The following COL23A1 variants were observed in gnomAD, a reference collection of about 807,000 sequenced individuals.
The protein encoded by COL23A1 is collagen type XXIII alpha 1 chain, also known as collagen alpha-1(XXIII) chain.
Under a neutral mutation model 99.3 loss-of-function variants are expected in COL23A1, and 97 were observed. The observed-to-expected ratio is 0.98, with a 90% confidence interval of 0.83 to 1.16. COL23A1 has a LOEUF of 1.16. Among genes scored for constraint, COL23A1 ranks in the 50% most tolerant of loss-of-function variants. COL23A1 has a pLI of 0.00. For synonymous variants in COL23A1, 320 were observed against 308.2 expected (o/e 1.04, Z -0.40); for missense variants, 762 against 757.4 (o/e 1.01, Z -0.07).
At position 178,364,471 on chromosome 5, in the gene COL23A1, A is replaced by G. The variant is rs186590785; in HGVS notation, c.362-57552T>C. 3.3e-5 allele frequency among the ~76,000 whole-genome samples: 5 copies of G among 152,104 alleles called. No individual in the cohort carries two copies. The East Asian group carries it at 7.8e-4, about 24-fold the overall frequency. ...CCACAGGTGGGGCCCGCCTGTGCAG[A>G]GAGTACTCAGCCTTGGTCCCCTGAG... On this transcript the variant is annotated intron_variant, in intron 2 of 28. Coordinates refer to ENST00000390654, the MANE Select transcript of COL23A1 (RefSeq NM_173465.4).
At chr5:178,467,094 G>A (rs1404338746) in intron 2 of COL23A1, among the ~76,000 whole-genome samples, 10 of 152,258 alleles carry the variant, frequency 6.6e-5, no homozygotes, top group Admixed American at 1.3e-4. Flanking sequence ...GGAGAAACTC[G>A]TGAGAAGGTG....
rs531488903 is a variant in COL23A1, at chr5:178,403,117, A to T, written c.362-96198T>A. ...GAGAGAGACTCCATCTCAAAAAAAA[A>T]AAAAATAAATAAATAAAAAATAAAT... On this transcript the variant is annotated intron_variant, in intron 2 of 28. Transcript: ENST00000390654. Among the ~76,000 whole-genome samples the T allele has an allele frequency of 4.4e-4, 61 of 139,672 alleles. 8 individuals are homozygous for T. Among genetic ancestry groups the T allele is most frequent in the African/African-American group, 1.7e-3 (60 of 35,170 alleles). 91.6% of individuals were successfully genotyped at this position (139,672 alleles called of 152,430 possible). A position where few individuals can be genotyped will look rare whatever the true frequency, so the allele number is the denominator to read the frequency against.
chr5:178,331,836 A>C (rs948348227), intron 2 of COL23A1, among the ~76,000 whole-genome samples: 3 of 152,356 alleles, frequency 2.0e-5, no homozygotes, highest in African/African-American at 7.2e-5. Flanking sequence ...ATAGTGACAC[A>C]GCTGTCCTGA....
intron 2 of COL23A1, among the ~76,000 whole-genome samples, chr5:178,551,092 T>C (rs1761972225): frequency 2.7e-5 from 1 of 36,668 alleles, no homozygotes; most frequent in African/African-American, 5.5e-5. Context: ...GTGTCACTGC[T>C]CTTGGTTTGA....
chr5:178,393,330 T>C (rs1764066079), intron 2 of COL23A1, among the ~76,000 whole-genome samples: 1 of 152,118 alleles, frequency 6.6e-6, no homozygotes. Flanking sequence ...GCCAGGGTAC[T>C]CCAAGTCATA....
At chr5:178,278,542 C>T (rs1250695574) in intron 5 of COL23A1, among the ~76,000 whole-genome samples, 1 of 152,208 alleles carries the variant, frequency 6.6e-6, no homozygotes, top group Non-Finnish European at 1.5e-5. Flanking sequence ...CTCTCCTGCG[C>T]CCAACCAGCC....
At chr5:178,433,320 AGAAAGAATACAAAT>A (rs760987765) in intron 2 of COL23A1, among the ~76,000 whole-genome samples, 1 of 152,174 alleles carries the variant, frequency 6.6e-6, no homozygotes. Context: ...TTACCAGCTT[AGAAAGAATACAAAT>A]GAACAGCCAG....
chr5:178,308,148 G>A lies in COL23A1; in HGVS notation c.362-1229C>T, dbSNP rs1047502308. On this transcript the variant is annotated intron_variant, in intron 2 of 28. Transcript: ENST00000390654. The surrounding 1 kb of genome is among the most constrained non-coding windows in gnomAD (Gnocchi z 5.1). ...GTTTGTGTCTGTGTGTCCTGTGGGA[G>A]GTGCTTCTCGACTTTTGTTAAGGGA... 6.6e-6 allele frequency among the ~76,000 whole-genome samples: 1 copy of A among 152,006 alleles called. No homozygotes were observed. The highest frequency in any genetic ancestry group is 2.4e-5 in the African/African-American group (1 of 41,368).
chr5:178,548,736 T>C (rs1483592388), intron 2 of COL23A1, among the ~76,000 whole-genome samples: 5 of 152,166 alleles, frequency 3.3e-5, no homozygotes, highest in Non-Finnish European at 7.3e-5. Flanking sequence ...TATGTATTTG[T>C]TGTATGTGTT....
intron 2 of COL23A1, among the ~76,000 whole-genome samples, chr5:178,362,403 C>T (rs1028284707): frequency 2.0e-5 from 3 of 152,204 alleles, no homozygotes; most frequent in African/African-American, 7.2e-5. Context: ...GGGCTGATAC[C>T]GAATCCAGGC....
intron 2 of COL23A1, among the ~76,000 whole-genome samples, chr5:178,349,616 A>G (rs888384149): frequency 1.3e-5 from 2 of 151,124 alleles, no homozygotes; most frequent in Non-Finnish European, 2.9e-5. Flanking sequence ...TCACCGTCCA[A>G]TGTAATGGGA....
intron 2 of COL23A1, among the ~76,000 whole-genome samples, chr5:178,469,662 C>T (rs937814744): frequency 2.0e-5 from 3 of 152,048 alleles, no homozygotes; most frequent in Non-Finnish European, 4.4e-5. Flanking sequence ...TGATGGAGCC[C>T]AGGGGACTTC....
chr5:178,498,205 A>AATATAT (rs1159261586), intron 2 of COL23A1, among the ~76,000 whole-genome samples: 142 of 34,308 alleles, frequency 4.1e-3, no homozygotes, highest in South Asian at 7.5e-3. Context: ...TCTTTATTTA[A>AATATAT]ATATATATAT....
intron 2 of COL23A1, among the ~76,000 whole-genome samples, chr5:178,317,296 A>G (rs1759032437): frequency 6.6e-6 from 1 of 152,008 alleles, no homozygotes; most frequent in Admixed American, 6.6e-5. Context: ...TTTCTCCTTC[A>G]CTCATTTGCA....
chr5:178,534,915 AG>A (rs1035046292), intron 2 of COL23A1, among the ~76,000 whole-genome samples: 2 of 152,072 alleles, frequency 1.3e-5, no homozygotes, highest in African/African-American at 4.8e-5. Flanking sequence ...GTTGACTAAA[AG>A]AGGTTATTAC....
chr5:178,241,661 T>C (rs1266582362), intron 27 of COL23A1, among the ~76,000 whole-genome samples: 1 of 152,194 alleles, frequency 6.6e-6, no homozygotes, highest in Non-Finnish European at 1.5e-5. Flanking sequence ...AGGGCACCGC[T>C]GATGGTGCTG....
At chr5:178,547,632 A>C (rs1581611419) in intron 2 of COL23A1, among the ~76,000 whole-genome samples, 6 of 2,476 alleles carry the variant, frequency 2.4e-3, no homozygotes, top group South Asian at 0.013. Context: ...ACCCACCCAC[A>C]CCCCCCCACA....
Position 178,455,186 on chromosome 5 carries a change from G to C in COL23A1, c.361+105496C>G, listed in dbSNP as rs116056635. On this transcript the variant is annotated intron_variant, in intron 2 of 28. Coordinates refer to ENST00000390654, the MANE Select transcript of COL23A1 (RefSeq NM_173465.4). ...AGAGGAACTCCTGCAATCTTTCCGGGGGGGACACAGTTCAACCCGTACCAC... is the reference window on the plus strand; with the variant it reads ...AGAGGAACTCCTGCAATCTTTCCGGCGGGGACACAGTTCAACCCGTACCAC... Among the ~76,000 whole-genome samples, 937 of 152,332 alleles carry C rather than the reference G, an allele frequency of 6.2e-3. 12 individuals are homozygous for C. The highest frequency in any genetic ancestry group is 0.022 in the African/African-American group (899 of 41,568).
At chr5:178,443,131 C>T (rs1370802007) in intron 2 of COL23A1, 3 of 152,320 alleles carry the variant, frequency 2.0e-5, no homozygotes, top group African/African-American at 7.2e-5. Context: ...CACGTCCTCA[C>T]CCCACCCACC....
Sources: allele counts gnomAD v4.1 joint callset (sites outside exome capture counted in the v4.1 genomes callset), GRCh38; gene constraint gnomAD v4.1.1; non-coding constraint Gnocchi (gnomAD v3.1); transcripts MANE v1.5; gene names NCBI Gene and HGNC (gene_info 2026-07-23, HGNC 2026-07-21).